JCAD: variants seen among roughly 807,000 people sequenced by gnomAD.
JCAD encodes junctional cadherin 5-associated protein.
A neutral mutation model predicts 98.0 loss-of-function variants in JCAD; 40 were observed. The ratio of observed to expected loss-of-function variants is 0.41; its 90% CI spans 0.32 to 0.53. JCAD has a LOEUF of 0.53. Among genes scored for constraint, JCAD ranks in the 20% least tolerant of loss-of-function variants. JCAD has a pLI of 0.31. For synonymous variants in JCAD, 691 were observed against 682.3 expected (o/e 1.01, Z -0.20); for missense variants, 1,705 against 1,738.1 (o/e 0.98, Z 0.34).
chr10:30,048,583 G>C (rs74457427), intron 1 of JCAD, among the ~76,000 whole-genome samples: 1 of 149,012 alleles, frequency 6.7e-6, no homozygotes, highest in South Asian at 2.1e-4. Flanking sequence ...TTTTTTTTTT[G>C]AGATAGAGTT....
In JCAD at chr10:30,029,252, C is replaced by A. The variant is rs375025142; in HGVS notation, c.896G>T (p.Ser299Ile). 1 of 1,614,070 alleles carries A rather than the reference C, an allele frequency of 6.2e-7. No individual in the cohort carries two copies. Among genetic ancestry groups the A allele is most frequent in the African/African-American group, 1.3e-5 (1 of 74,916 alleles). Residue 299 changes from serine (S) to isoleucine (I), a missense_variant, in exon 3 of 4, where the codon AGC becomes ATC. Physicochemically the swap from Ser to Ile is moderately radical, Grantham distance 142. Around this residue, in one of 3 missense-constraint regions of JCAD, gnomAD observed 275 missense variants for 346.9 expected, o/e 0.79. Transcript: ENST00000375377. Reference sequence around the variant, plus strand: ...TCCTCCCCTAGACTGCTGGTGCGAGCTGTAAGATGGGGGCTTGAGGGGCCT... The same window carrying A: ...TCCTCCCCTAGACTGCTGGTGCGAGATGTAAGATGGGGGCTTGAGGGGCCT... Reference protein sequence around the residue: ...FGRPLKPPSYSSHQQSRGGAD... With the variant: ...FGRPLKPPSYISHQQSRGGAD...
intron 1 of JCAD, among the ~76,000 whole-genome samples, chr10:30,080,882 A>G (rs1242577498): frequency 1.3e-5 from 2 of 152,166 alleles, no homozygotes; most frequent in Non-Finnish European, 2.9e-5. Flanking sequence ...GTCAAACAGC[A>G]TCTTCCTGTC....
At chr10:30,030,056 C>G (rs1472895363) in intron 2 of JCAD, among the ~76,000 whole-genome samples, 190 bp from the exon 3 acceptor site, 1 of 152,204 alleles carries the variant, frequency 6.6e-6, no homozygotes, top group Non-Finnish European at 1.5e-5. Flanking sequence ...GTTTTGGCAT[C>G]AAGGGCCAAG....
chr10:30,064,670 CTCTT>C (rs1837753776), intron 2 of JCAD, among the ~76,000 whole-genome samples: 1 of 150,662 alleles, frequency 6.6e-6, no homozygotes, highest in Non-Finnish European at 1.5e-5. Context: ...CCCACGTTCT[CTCTT>C]TTTTTTTTTT....
chr10:30,108,931 A>G (rs952796974), intron 1 of JCAD, among the ~76,000 whole-genome samples: 3 of 152,046 alleles, frequency 2.0e-5, no homozygotes, highest in South Asian at 4.2e-4. Flanking sequence ...GAACATTTAA[A>G]GAGTAGACTT....
At chr10:30,064,282 CCCCTCA>C (rs1217668461), upstream of JCAD, among the ~76,000 whole-genome samples, 1 of 152,044 alleles carries the variant, frequency 6.6e-6, no homozygotes, top group African/African-American at 2.4e-5. Flanking sequence ...GCATGCTCAG[CCCCTCA>C]CCATGTGATG....
intron 1 of JCAD, among the ~76,000 whole-genome samples, chr10:30,057,556 C>CA (rs929335695): frequency 6.6e-6 from 1 of 152,098 alleles, no homozygotes; most frequent in Non-Finnish European, 1.5e-5. Context: ...ACACTCAGGC[C>CA]AAACTTCTTT....
At position 30,029,749 on chromosome 10, in the gene JCAD, G is replaced by A. The variant is rs769420403; in HGVS notation, c.399C>T (p.Asn133=). Residue 133 remains asparagine, a synonymous_variant, in exon 3 of 4, where the codon AAC becomes AAT. Transcript: ENST00000375377. ...CTTGGGCCATTCCTCTGGCCTCCAGGTTTTCGTGCTCCCTCGGCTTCTGGC... is the reference window on the plus strand; with the variant it reads ...CTTGGGCCATTCCTCTGGCCTCCAGATTTTCGTGCTCCCTCGGCTTCTGGC... ...ARSQKPREHE[N]LEARGMAQAH... is the part of the protein sequence containing the mutation. 6.2e-7 allele frequency: 1 copy of A among 1,614,230 alleles called. No individual in the cohort carries two copies. Among genetic ancestry groups the A allele is most frequent in the African/African-American group, 1.3e-5 (1 of 75,062 alleles).
chr10:30,014,723 TCA>T lies in JCAD; in HGVS notation c.*3158_*3159del, dbSNP rs1836499942. On this transcript the variant is annotated 3_prime_UTR_variant, in exon 4 of 4. Transcript: ENST00000375377. ...GTCATTTTGCTGCTGCAAAAAATGA[TCA>T]CAGTCTGGTTTCTGAGTCATCTGAG... is the stretch of plus-strand genomic sequence containing the variant. 1 of 152,162 alleles carries T rather than the reference TCA, an allele frequency of 6.6e-6. No individual in the cohort carries two copies. The highest frequency in any genetic ancestry group is 1.5e-5 in the Non-Finnish European group (1 of 68,034). 9.4% of individuals were successfully genotyped at this position (152,162 alleles called of 1,614,324 possible).
chr10:30,100,768 C>T (rs1322142216), intron 1 of JCAD, among the ~76,000 whole-genome samples: 1 of 152,172 alleles, frequency 6.6e-6, no homozygotes, highest in Non-Finnish European at 1.5e-5. Context: ...ATATGAGTGA[C>T]CAATGGCCCC....
Position 30,029,808 on chromosome 10 carries a change from C to T in JCAD, c.340G>A (p.Ala114Thr), listed in dbSNP as rs748704623. 11 of 1,614,114 alleles carry T rather than the reference C, an allele frequency of 6.8e-6. No homozygotes were observed. The South Asian group carries it at 1.2e-4, about 18-fold the overall frequency. ...SSHPPTGNDQ[A>T]YRRRGRQEAR... is the part of the protein sequence containing the mutation. ...TCTTGCCGTCCTCTTCTCCGGTAGG[C>T]TTGGTCGTTACCAGTCGGGGGATGA... Residue 114 changes from alanine (A) to threonine (T), a missense_variant, in exon 3 of 4, where the codon GCC (alanine) becomes ACC (threonine). By Grantham distance (58) the Ala-to-Thr change is moderately conservative. Around this residue, in one of 3 missense-constraint regions of JCAD, gnomAD observed 275 missense variants for 346.9 expected, o/e 0.79. Transcript: ENST00000375377.
Position 30,027,220 on chromosome 10 carries a change from C to CTTCCTT in JCAD, c.2927_2928insAAGGAA (p.Arg977_Met978insLysArg). On this transcript the variant is annotated inframe_insertion, in exon 3 of 4. Transcript: ENST00000375377. ...CGTCACTTGATCTTGAAGACATTCT[C>CTTCCTT]GTCACAGGAAATGGGCTACCTGCCA... is the stretch of plus-strand genomic sequence containing the variant. 1 of 1,614,214 alleles carries CTTCCTT rather than the reference C, an allele frequency of 6.2e-7. No homozygotes were observed. Among genetic ancestry groups the CTTCCTT allele is most frequent in the East Asian group, 2.2e-5 (1 of 44,878 alleles).
Position 30,029,153 on chromosome 10 carries a change from T to C in JCAD, c.995A>G (p.Asp332Gly). The C allele has an allele frequency of 3.7e-6, 6 of 1,614,082 alleles. No individual in the cohort carries two copies. Among genetic ancestry groups the C allele is most frequent in the Non-Finnish European group, 5.1e-6 (6 of 1,180,018 alleles). ...YVPRHELCLS[D>G]PGLEPPVYVP... ...GTACACTGGAGGTTCCAATCCAGGG[T>C]CTGACAGGCAGAGCTCATGCCTGGG... Residue 332 changes from aspartate to glycine, a missense_variant, in exon 3 of 4, where the codon GAC becomes GGC. Asp to Gly is a moderately conservative substitution (Grantham distance 94). Coordinates refer to ENST00000375377, the MANE Select transcript of JCAD (RefSeq NM_020848.4).
In JCAD at chr10:30,017,847, A is replaced by G. The variant is rs750859058; in HGVS notation, c.*36T>C. On this transcript the variant is annotated 3_prime_UTR_variant, in exon 4 of 4. Transcript: ENST00000375377. ...ATCTACCAGCTACTTGAGAATACTC[A>G]ATTCGCAACGGAATGCAAGCTCCAC... The G allele has an allele frequency of 6.3e-7, 1 of 1,591,194 alleles. No homozygotes were observed. Among genetic ancestry groups the G allele is most frequent in the South Asian group, 1.1e-5 (1 of 90,588 alleles).
At chr10:30,071,029 C>T in intron 1 of JCAD, among the ~76,000 whole-genome samples, 1 of 152,110 alleles carries the variant, frequency 6.6e-6, no homozygotes, top group East Asian at 1.9e-4. Flanking sequence ...CTCAGCCTCC[C>T]AAGTAGCTGG....
chr10:30,089,834 T>C (rs1323195759), intron 1 of JCAD, among the ~76,000 whole-genome samples: 1 of 152,096 alleles, frequency 6.6e-6, no homozygotes, highest in Non-Finnish European at 1.5e-5. Flanking sequence ...CACACACACA[T>C]ACACATCAGC....
rs372575166 is a variant in JCAD, at chr10:30,028,754, T to A, written c.1394A>T (p.His465Leu). 1.9e-6 allele frequency: 3 copies of A among 1,614,044 alleles called. No homozygotes were observed. In the African/African-American group the frequency reaches 4.0e-5, roughly 22 times the overall value. The change falls in exon 3 of 4, where the codon CAT (histidine) becomes CTT (leucine). Residue 465 changes from histidine (H) to leucine (L), a missense_variant. By Grantham distance (99) the His-to-Leu change is moderately conservative. Around this residue, in one of 3 missense-constraint regions of JCAD, gnomAD observed 1,278 missense variants for 1,243.1 expected, o/e 1.03. Coordinates refer to ENST00000375377, the MANE Select transcript of JCAD (RefSeq NM_020848.4). ...SSPVTAQEPA[H>L]GGMQPDGAIW... ...GGCACCATCAGGCTGCATTCCTCCA[T>A]GAGCCGGCTCTTGAGCAGTGACAGG...
chr10:30,089,395 G>A (rs575990353), intron 1 of JCAD, among the ~76,000 whole-genome samples: 10 of 152,174 alleles, frequency 6.6e-5, no homozygotes, highest in Non-Finnish European at 1.2e-4. Context: ...ACCTCTTCTC[G>A]CCCTGCTCAG....
intron 1 of JCAD, among the ~76,000 whole-genome samples, chr10:30,084,864 T>C (rs1838143820): frequency 6.6e-6 from 1 of 152,152 alleles, no homozygotes; most frequent in South Asian, 2.1e-4. Context: ...CATCCATCTA[T>C]CTATCCATCT....
Sources: gnomAD v4.1 joint callset for allele counts (sites outside exome capture counted in the v4.1 genomes callset) on GRCh38, gnomAD v4.1.1 for gene constraint, gnomAD v4.1.1 regional missense constraint, MANE v1.5 for transcripts, NCBI Gene and HGNC (gene_info 2026-07-23, HGNC 2026-07-21) for gene names.